Variants in CHST9 observed in about 807,000 individuals in gnomAD.
The protein encoded by CHST9 is GalNAc-4-sulfotransferase 2.
In CHST9, 41 loss-of-function variants were observed where a neutral mutation model predicts 44.4. The observed-to-expected ratio is 0.92, with a 90% CI of 0.72 to 1.20. The LOEUF is 1.20. Among genes scored for constraint, CHST9 ranks in the 50% most tolerant of loss-of-function variants. CHST9 has a pLI of 0.00. For synonymous variants in CHST9, 171 were observed against 178.4 expected, an observed-to-expected ratio of 0.96 and a Z score of 0.33; for missense variants, 504 against 516.5, an observed-to-expected ratio of 0.98 and a Z score of 0.23.
chr18:27,075,720 TCTC>T (rs923084884), intron 2 of CHST9, among the ~76,000 whole-genome samples: 2 of 148,528 alleles, frequency 1.3e-5, no homozygotes, highest in Admixed American at 1.3e-4. Flanking sequence ...ACTTCTTACA[TCTC>T]CTATTAGACA....
At chr18:27,050,526 T>A (rs1015369060) in intron 2 of CHST9, among the ~76,000 whole-genome samples, 1 of 152,148 alleles carries the variant, frequency 6.6e-6, no homozygotes, top group Non-Finnish European at 1.5e-5. Flanking sequence ...TCTTTTAAAA[T>A]CCTAACATAT....
At chr18:27,020,200 C>G (rs2057207975) in intron 4 of CHST9, among the ~76,000 whole-genome samples, 1 of 152,210 alleles carries the variant, frequency 6.6e-6, no homozygotes, top group African/African-American at 2.4e-5. Flanking sequence ...AGACACATTA[C>G]TTGGTGCTTC....
At chr18:27,019,901 AGAAATGG>A (rs773297985) in intron 4 of CHST9, among the ~76,000 whole-genome samples, 25 of 152,236 alleles carry the variant, frequency 1.6e-4, no homozygotes, top group Non-Finnish European at 1.6e-4. Context: ...CAAAGAACCC[AGAAATGG>A]GAGACATGTT....
chr18:27,164,147 C>G (rs139891578), intron 1 of CHST9, among the ~76,000 whole-genome samples: 20 of 152,076 alleles, frequency 1.3e-4, no homozygotes, highest in South Asian at 6.2e-4. Flanking sequence ...GAGAAGGCAA[C>G]AGATTATCAG....
intron 4 of CHST9, among the ~76,000 whole-genome samples, chr18:26,979,934 A>G (rs1018954904): frequency 6.6e-6 from 1 of 152,184 alleles, no homozygotes; most frequent in Non-Finnish European, 1.5e-5. Flanking sequence ...GATTGTTTTT[A>G]AACTTAAGAT....
At chr18:27,046,056 A>G (rs968650015) in intron 3 of CHST9, among the ~76,000 whole-genome samples, 1 of 152,140 alleles carries the variant, frequency 6.6e-6, no homozygotes, top group Non-Finnish European at 1.5e-5. Context: ...ATGGCAATAG[A>G]ATCATAGACA....
chr18:27,087,174 T>G (rs1474147576), intron 2 of CHST9, among the ~76,000 whole-genome samples: 1 of 152,208 alleles, frequency 6.6e-6, no homozygotes, highest in Non-Finnish European at 1.5e-5. Context: ...TTAGCATTCT[T>G]GAATTGGACT....
intron 4 of CHST9, among the ~76,000 whole-genome samples, chr18:26,981,733 G>A (rs1333403908): frequency 4.6e-5 from 7 of 152,146 alleles, no homozygotes; most frequent in Non-Finnish European, 1.0e-4. Context: ...CAGTAGAAGC[G>A]GAGGCCTGAC....
chr18:27,023,222 A>G (rs566080987), intron 4 of CHST9, among the ~76,000 whole-genome samples: 2 of 152,346 alleles, frequency 1.3e-5, no homozygotes, highest in East Asian at 1.9e-4. Context: ...TAAACATACT[A>G]CTGTCATCTA....
At chr18:26,995,259 T>TAAA (rs56839431) in intron 4 of CHST9, among the ~76,000 whole-genome samples, 18 of 110,098 alleles carry the variant, frequency 1.6e-4, no homozygotes, top group African/African-American at 4.3e-4. Flanking sequence ...CCATCTCTAC[T>TAAA]AAAAAAAAAA....
At chr18:26,945,815 T>C (rs1455189741) in intron 4 of CHST9, among the ~76,000 whole-genome samples, 2 of 152,208 alleles carry the variant, frequency 1.3e-5, no homozygotes, top group South Asian at 2.1e-4. Flanking sequence ...ATAATAGTTG[T>C]AGGCTTAATT....
intron 2 of CHST9, among the ~76,000 whole-genome samples, chr18:27,057,817 C>T (rs1348245218): frequency 2.0e-5 from 3 of 152,166 alleles, no homozygotes; most frequent in South Asian, 2.1e-4. Flanking sequence ...GATTTGCAGG[C>T]GGCTGACCTC....
At chr18:27,104,125 C>T (rs986545115) in intron 2 of CHST9, among the ~76,000 whole-genome samples, 12 of 152,110 alleles carry the variant, frequency 7.9e-5, no homozygotes, top group Non-Finnish European at 1.3e-4. Flanking sequence ...CACCACACAT[C>T]GAGCACCTAC....
At position 26,913,963 on chromosome 18, in the gene CHST9, G is replaced by A. The variant is rs543213576; in HGVS notation, c.*2296C>T. On this transcript the variant is annotated 3_prime_UTR_variant, in exon 6 of 6. Transcript: ENST00000618847. The stretch of plus-strand genomic sequence containing the variant: ...GTTCTTACTTGGCAAAGACATGCAT[G>A]GCTTTTGGAACTTGCAACTACACAG... 32 of 152,298 alleles carry A rather than the reference G, an allele frequency of 2.1e-4. No homozygotes were observed. Among genetic ancestry groups the A allele is most frequent in the African/African-American group, 7.5e-4 (31 of 41,562 alleles). 9.4% of individuals were successfully genotyped at this position (152,298 alleles called of 1,614,324 possible). A position where few individuals can be genotyped will look rare whatever the true frequency, so the allele number is the denominator to read the frequency against.
Position 26,917,074 on chromosome 18 carries a change from C to T in CHST9, c.517G>A (p.Glu173Lys), listed in dbSNP as rs1286942342. ...VKDNKWKKTE[E>K]TQEKRRSFLQ... ...AAAGACCTTCGTTTCTCTTGGGTCT[C>T]CTCAGTTTTCTTCCATTTATTATCT... The change falls in exon 6 of 6, where the codon GAG becomes AAG. Residue 173 changes from glutamate (E) to lysine (K), a missense_variant. Transcript: ENST00000618847. 1 of 1,613,918 alleles carries T rather than the reference C, an allele frequency of 6.2e-7. No individual in the cohort carries two copies. The highest frequency in any genetic ancestry group is 1.1e-5 in the South Asian group (1 of 91,076).
chr18:27,163,282 T>A (rs1035652713), intron 1 of CHST9, among the ~76,000 whole-genome samples: 1 of 152,166 alleles, frequency 6.6e-6, no homozygotes, highest in Admixed American at 6.5e-5. Flanking sequence ...GAGGAGGCAG[T>A]CTGTCCGTTC....
At chr18:26,952,688 A>G (rs115338104) in intron 4 of CHST9, 247 of 217,852 alleles carry the variant, frequency 1.1e-3, no homozygotes, top group African/African-American at 5.6e-3. Context: ...CTTAAGAACT[A>G]AAAATGTAAG....
intron 3 of CHST9, among the ~76,000 whole-genome samples, chr18:27,047,660 C>T (rs2057520425): frequency 6.7e-6 from 1 of 150,306 alleles, no homozygotes; most frequent in Non-Finnish European, 1.5e-5. Flanking sequence ...GGAAATGAAG[C>T]TAAAAGAAGC....
intron 2 of CHST9, among the ~76,000 whole-genome samples, chr18:27,134,315 C>A (rs1389538663): frequency 6.6e-6 from 1 of 152,116 alleles, no homozygotes; most frequent in Non-Finnish European, 1.5e-5. Flanking sequence ...CTTAGAAACA[C>A]CAGATGCACA....
Sources: gnomAD v4.1 joint callset for allele counts (sites outside exome capture counted in the v4.1 genomes callset) on GRCh38, gnomAD v4.1.1 for gene constraint, MANE v1.5 for transcripts, NCBI Gene and HGNC (gene_info 2026-07-23, HGNC 2026-07-21) for gene names.